Variants in CHADL observed in about 807,000 individuals in gnomAD.
CHADL encodes the protein chondroadherin like, also known as chondroadherin-like protein.
Under a neutral mutation model 52.1 loss-of-function variants are expected in CHADL, and 48 were observed. The ratio of observed to expected loss-of-function variants is 0.92; its 90% CI spans 0.73 to 1.17. The LOEUF is 1.17. CHADL is among the 50% of genes most tolerant of loss of function. CHADL has a pLI of 0.00. For missense variants in CHADL, 977 were observed against 1,035.1 expected (o/e 0.94, Z 0.77); for synonymous variants, 498 against 511.2 (o/e 0.97, Z 0.35).
chr22:41,240,725 C>G, intron 1 of CHADL, 149 bp downstream of exon 1: 2 of 896,448 alleles, frequency 2.2e-6, no homozygotes, highest in Non-Finnish European at 3.4e-6. Context: ...TCAGAGCCCA[C>G]CTTGGGAGAC....
chr22:41,232,445 T>G (rs569208763), intron 5 of CHADL, among the ~76,000 whole-genome samples: 1 of 152,224 alleles, frequency 6.6e-6, no homozygotes, highest in South Asian at 2.1e-4. Flanking sequence ...GAGCATCTTC[T>G]GGGTGCCAGA....
Position 41,230,218 on chromosome 22 carries a change from C to T in CHADL, c.2263-488G>A, listed in dbSNP as rs141996268. 2.1e-4 allele frequency: 345 copies of T among 1,613,810 alleles called. No homozygotes were observed. The African/African-American group carries it at 4.3e-3, about 20-fold the overall frequency. ...CTTCAAGTCCAGAGCTGCCTGTCTC[C>T]GTCGAGAACATCAAGCAGGAAACAG... On this transcript the variant is annotated intron_variant, in intron 5 of 5. Transcript: ENST00000216241.
chr22:41,230,127 C>T, intron 5 of CHADL: 2 of 1,554,434 alleles, frequency 1.3e-6, no homozygotes, highest in South Asian at 2.2e-5. Context: ...CCCGCCTCCC[C>T]TCCCTCTTCA....
Position 41,239,603 on chromosome 22 carries a change from T to C in CHADL, c.26A>G (p.His9Arg). The C allele has an allele frequency of 6.5e-7, 1 of 1,536,506 alleles. No homozygotes were observed. The highest frequency in any genetic ancestry group is 1.2e-5 in the South Asian group (1 of 83,028). The part of the protein sequence containing the change: MEGPRSST[H>R]VPLVLPLLVL... ...AAGAAGCGGCAGCACCAAGGGGACA[T>C]GGGTGGAGCTCCGGGGCCTGGGACG... The change falls in exon 2 of 6, where the codon CAT (histidine) becomes CGT (arginine). Residue 9 changes from histidine to arginine, a missense_variant. Coordinates refer to ENST00000216241, the MANE Select transcript of CHADL (RefSeq NM_138481.2).
At chr22:41,235,451 G>C in intron 4 of CHADL, 108 bp from the exon 5 acceptor site, 1 of 814,960 alleles carries the variant, frequency 1.2e-6, no homozygotes, top group East Asian at 2.7e-5. Context: ...GGCAGCACAA[G>C]GCCACAGGCA....
intron 5 of CHADL, chr22:41,230,296 C>A: frequency 1.4e-6 from 2 of 1,404,584 alleles, no homozygotes; most frequent in Non-Finnish European, 2.0e-6. Context: ...GCCAGCCCAG[C>A]GTTTCTCTAC....
In CHADL at chr22:41,237,221, GCCCA is replaced by G. The variant is rs773324867; in HGVS notation, c.1847_1850del (p.Val616AlafsTer9). On this transcript the variant is annotated frameshift_variant, in exon 3 of 6. Transcript: ENST00000216241. LOFTEE classifies it high-confidence loss of function. ...TCAGGAAGAGGTGCTGCAGCGACCTGCCCACAGGCTGGAAGGCTCCGTCACGCAA... is the reference window on the plus strand; with the variant it reads ...TCAGGAAGAGGTGCTGCAGCGACCTGCAGGCTGGAAGGCTCCGTCACGCAA... 1 of 1,549,744 alleles carries G rather than the reference GCCCA, an allele frequency of 6.5e-7. No individual in the cohort carries two copies. Among genetic ancestry groups the G allele is most frequent in the South Asian group, 1.2e-5 (1 of 84,002 alleles).
intron 5 of CHADL, chr22:41,230,247 A>G (rs755450852): frequency 6.2e-7 from 1 of 1,612,956 alleles, no homozygotes; most frequent in Non-Finnish European, 8.5e-7. Flanking sequence ...GAAACAGACG[A>G]CTGAGCCTTC....
chr22:41,237,356 C>T lies in CHADL; in HGVS notation c.1716G>A (p.Glu572=). The part of the protein sequence containing the change: ...LGALGPAREL[E]KLHLDRNQLR... ...GCTGATTCCTGTCCAGGTGCAGCTT[C>T]TCCAGCTCCCGAGCTGGGCCCAGCG... The change falls in exon 3 of 6, where the codon GAG becomes GAA. Residue 572 remains glutamate (E), a synonymous_variant. Coordinates refer to ENST00000216241, the MANE Select transcript of CHADL (RefSeq NM_138481.2). 6.4e-7 allele frequency: 1 copy of T among 1,550,662 alleles called. No individual in the cohort carries two copies. Among genetic ancestry groups the T allele is most frequent in the Admixed American group, 2.0e-5 (1 of 51,010 alleles).
intron 5 of CHADL, 68 bp from the exon 6 acceptor site, chr22:41,229,798 G>T: frequency 7.1e-7 from 1 of 1,408,358 alleles, no homozygotes; most frequent in African/African-American, 1.4e-5. Flanking sequence ...CTGTACCACT[G>T]GACCCAGGGT....
intron 5 of CHADL, among the ~76,000 whole-genome samples, chr22:41,232,070 C>T (rs184438392): frequency 6.6e-4 from 101 of 152,138 alleles, no homozygotes; most frequent in Middle Eastern, 3.4e-3. Context: ...CGGTGGCTCA[C>T]GCCTGTAATC....
chr22:41,235,317 AC>A lies in CHADL; in HGVS notation c.2089del (p.Val697TrpfsTer16). ...GGGAGGGGTGGCGCAGGTGGCCCCCACCCGCAGGTTCAGCCCAGTAAGCCAC... is the reference window on the plus strand; with the variant it reads ...GGGAGGGGTGGCGCAGGTGGCCCCCACCGCAGGTTCAGCCCAGTAAGCCAC... The part of the protein sequence containing the change: ...HRWLTGLNLR[V>X]GATCATPPNA... On this transcript the variant is annotated frameshift_variant, in exon 5 of 6. Transcript: ENST00000216241. LOFTEE classifies it high-confidence loss of function. 6.4e-7 allele frequency: 1 copy of A among 1,550,796 alleles called. No individual in the cohort carries two copies. Among genetic ancestry groups the A allele is most frequent in the South Asian group, 1.2e-5 (1 of 84,048 alleles).
At position 41,238,752 on chromosome 22, in the gene CHADL, C is replaced by T. The variant is rs1220338191; in HGVS notation, c.320G>A (p.Arg107His). ...EVELVAEGAF[R>H]GLGRLLLLNL... ...GAGCAGGAGCAGGCGGCCCAGGCCACGGAAGGCGCCCTCGGCCACCAGCTC... is the reference window on the plus strand; with the variant it reads ...GAGCAGGAGCAGGCGGCCCAGGCCATGGAAGGCGCCCTCGGCCACCAGCTC... The change falls in exon 3 of 6, where the codon CGT (arginine) becomes CAT (histidine). Residue 107 changes from arginine (R) to histidine (H), a missense_variant. Transcript: ENST00000216241. The surrounding 1 kb of genome is among the most constrained non-coding windows in gnomAD (Gnocchi z 4.9). 3 of 1,549,074 alleles carry T rather than the reference C, an allele frequency of 1.9e-6. No individual in the cohort carries two copies. Among genetic ancestry groups the T allele is most frequent in the Non-Finnish European group, 2.6e-6 (3 of 1,146,742 alleles).
chr22:41,232,331 CA>C (rs58285002), intron 5 of CHADL, among the ~76,000 whole-genome samples: 48,280 of 133,450 alleles, frequency 0.36, 9,175 homozygotes, highest in African/African-American at 0.56. Flanking sequence ...GACTCTGTCT[CA>C]AAAAAAAAAA....
Position 41,238,496 on chromosome 22 carries a change from G to C in CHADL, c.576C>G (p.Asn192Lys), listed in dbSNP as rs761250513. 6.5e-7 allele frequency: 1 copy of C among 1,539,266 alleles called. No individual in the cohort carries two copies. Among genetic ancestry groups the C allele is most frequent in the Non-Finnish European group, 8.7e-7 (1 of 1,144,078 alleles). The change falls in exon 3 of 6, where the codon AAC (asparagine) becomes AAG (lysine). Residue 192 changes from asparagine to lysine, a missense_variant. Coordinates refer to ENST00000216241, the MANE Select transcript of CHADL (RefSeq NM_138481.2). The surrounding 1 kb of genome is among the most constrained non-coding windows in gnomAD (Gnocchi z 4.9). ...CCTCGGGGGCCAGCACGCTGAGCGCGTTGTGCGACAGCCGCAGCCAGCGGA... is the reference window on the plus strand; with the variant it reads ...CCTCGGGGGCCAGCACGCTGAGCGCCTTGTGCGACAGCCGCAGCCAGCGGA... ...LRVRWLRLSH[N>K]ALSVLAPEAL...
In CHADL at chr22:41,237,787, G is replaced by T. The variant is rs1180085887; in HGVS notation, c.1285C>A (p.Leu429Ile). The T allele has an allele frequency of 2.0e-6, 3 of 1,513,334 alleles. No homozygotes were observed. The East Asian group carries it at 7.4e-5, about 38-fold the overall frequency. The allele number at this position is 1,513,334 out of a possible 1,614,324, so 93.7% of individuals were successfully genotyped here. A position where few individuals can be genotyped will look rare whatever the true frequency, so the allele number is the denominator to read the frequency against. Reference protein sequence around the residue: ...VPRGFPSDTQLLDLRRNHFPS... With the variant: ...VPRGFPSDTQILDLRRNHFPS... ...AAGTGGTTCCGCCTCAGGTCCAGGA[G>T]CTGGGTGTCGCTGGGGAAGCCGCGG... Residue 429 changes from leucine to isoleucine, a missense_variant, in exon 3 of 6, where the codon CTC (leucine) becomes ATC (isoleucine). Leu to Ile is a conservative substitution (Grantham distance 5). Transcript: ENST00000216241.
intron 1 of CHADL, among the ~76,000 whole-genome samples, chr22:41,240,544 G>A (rs2032842368): frequency 6.6e-6 from 1 of 152,240 alleles, no homozygotes; most frequent in African/African-American, 2.4e-5. Flanking sequence ...GTTGGAGTTG[G>A]TGGCTTCTCC....
At position 41,237,727 on chromosome 22, in the gene CHADL, C is replaced by T. The variant is rs1162417051; in HGVS notation, c.1345G>A (p.Gly449Ser). Residue 449 changes from glycine to serine, a missense_variant, in exon 3 of 6, where the codon GGC becomes AGC. Coordinates refer to ENST00000216241, the MANE Select transcript of CHADL (RefSeq NM_138481.2). Reference sequence around the variant, plus strand: ...TGCAGGTGCAGCGACACCAGGTGGCCCAGGCCGGGGAAGGCCGCTCGGGGC... The same window carrying T: ...TGCAGGTGCAGCGACACCAGGTGGCTCAGGCCGGGGAAGGCCGCTCGGGGC... The part of the protein sequence containing the change: ...SVPRAAFPGL[G>S]HLVSLHLQHC... 2 of 1,541,348 alleles carry T rather than the reference C, an allele frequency of 1.3e-6. No individual in the cohort carries two copies. Among genetic ancestry groups the T allele is most frequent in the East Asian group, 2.5e-5 (1 of 40,766 alleles).
rs1185683820 is a variant in CHADL at position 41,239,654 on chromosome 22, G to A, written c.9-34C>T. The A allele has an allele frequency of 3.4e-6, 5 of 1,480,270 alleles. No individual in the cohort carries two copies. The East Asian group carries it at 1.0e-4, about 30-fold the overall frequency. The allele number at this position is 1,480,270 out of a possible 1,614,324, so 91.7% of individuals were successfully genotyped here. A position where few individuals can be genotyped will look rare whatever the true frequency, so the allele number is the denominator to read the frequency against. On this transcript the variant is annotated intron_variant, in intron 1 of 5. Coordinates refer to ENST00000216241, the MANE Select transcript of CHADL (RefSeq NM_138481.2). ...GGGAGGGAGAGTCTGTTGTGCACAA[G>A]GGCCGAGGCCACATGCTGTCCCTCA...
Sources: allele counts gnomAD v4.1 joint callset (sites outside exome capture counted in the v4.1 genomes callset), GRCh38; gene constraint gnomAD v4.1.1; non-coding constraint Gnocchi (gnomAD v3.1); transcripts MANE v1.5; gene names NCBI Gene and HGNC (gene_info 2026-07-23, HGNC 2026-07-21).